LRP2: variants seen among roughly 807,000 people sequenced by gnomAD.
LRP2 encodes the protein low-density lipoprotein receptor-related protein 2.
LRP2 carries 172 observed loss-of-function variants against 531.0 expected under a neutral mutation model. That is an observed-to-expected ratio of 0.32 (90% confidence interval 0.29 to 0.37). The LOEUF (loss-of-function observed/expected upper bound fraction) is 0.37, where lower values mean the gene tolerates loss of function less well. Among genes scored for constraint, LRP2 ranks in the 10% least tolerant of loss-of-function variants. The probability of loss-of-function intolerance (pLI) is 1.00; values close to 1 mark genes in which losing one functional copy is unlikely to be tolerated. For missense variants in LRP2, 5,167 were observed against 5,868.3 expected, an observed-to-expected ratio of 0.88 and a Z score of 3.90; for synonymous variants, 1,992 against 2,027.6, an observed-to-expected ratio of 0.98 and a Z score of 0.47.
chr2:169,136,983 T>C (rs1320809092), intron 76 of LRP2, among the ~76,000 whole-genome samples: 2 of 152,072 alleles, frequency 1.3e-5, no homozygotes, highest in African/African-American at 2.4e-5. Flanking sequence ...AACCAGAGAG[T>C]GGGCCCCGTC....
At chr2:169,186,113 A>T (rs1008690729) in intron 49 of LRP2, 94 bp from the exon 50 acceptor site, 7 of 1,064,728 alleles carry the variant, frequency 6.6e-6, no homozygotes, top group Admixed American at 1.8e-5. Flanking sequence ...AACAGTGCCA[A>T]TTCTTAATGA....
intron 1 of LRP2, among the ~76,000 whole-genome samples, chr2:169,335,817 C>A (rs1227873623): frequency 5.3e-5 from 8 of 152,026 alleles, no homozygotes; most frequent in African/African-American, 1.4e-4. Context: ...AGTTCAAGAC[C>A]AGCCTGGCCA....
At chr2:169,348,271 C>A (rs1215759154) in intron 1 of LRP2, among the ~76,000 whole-genome samples, 2 of 152,178 alleles carry the variant, frequency 1.3e-5, no homozygotes, top group African/African-American at 4.8e-5. Flanking sequence ...CATTCTCCTG[C>A]CTCCAACCTA....
intron 70 of LRP2, among the ~76,000 whole-genome samples, chr2:169,144,904 C>T (rs148243455): frequency 2.2e-3 from 328 of 152,254 alleles, no homozygotes; most frequent in African/African-American, 7.5e-3. Context: ...GAACACTGGG[C>T]CAATACAGCA....
intron 68 of LRP2, among the ~76,000 whole-genome samples, chr2:169,150,556 T>G (rs1169710245): frequency 3.3e-5 from 5 of 152,208 alleles, no homozygotes; most frequent in Non-Finnish European, 7.3e-5. Flanking sequence ...ATGAGTTACT[T>G]TAAAACATCC....
chr2:169,335,512 A>G lies in LRP2; in HGVS notation c.80-14628T>C, dbSNP rs1685379283. On this transcript the variant is annotated intron_variant, in intron 1 of 78. Coordinates refer to ENST00000649046, the MANE Select transcript of LRP2 (RefSeq NM_004525.3). ...ATTAATCAACTGAAACCAAGCTAAA[A>G]AGTTTTCCATTCAAAAAGTTTGGCC... 2.0e-5 allele frequency among the ~76,000 whole-genome samples: 3 copies of G among 152,214 alleles called. No homozygotes were observed. In the South Asian group the frequency reaches 6.2e-4, roughly 31 times the overall value.
chr2:169,291,810 A>T (rs570253040), intron 7 of LRP2, among the ~76,000 whole-genome samples: 2 of 152,324 alleles, frequency 1.3e-5, no homozygotes, highest in South Asian at 2.1e-4. Flanking sequence ...AAAACAAAAA[A>T]ATAAGCTGAA....
chr2:169,229,066 G>A (rs1374848636), intron 31 of LRP2, among the ~76,000 whole-genome samples: 1 of 152,182 alleles, frequency 6.6e-6, no homozygotes, highest in Non-Finnish European at 1.5e-5. Flanking sequence ...TACAGACCAG[G>A]TAGAGGCTTT....
At chr2:169,271,981 G>T (rs982321283) in intron 15 of LRP2, among the ~76,000 whole-genome samples, 1 of 152,044 alleles carries the variant, frequency 6.6e-6, no homozygotes, top group South Asian at 2.1e-4. Context: ...TCGCAGTAAC[G>T]GAATTTAAAA....
chr2:169,236,484 G>A (rs1052131596), intron 28 of LRP2, among the ~76,000 whole-genome samples: 15 of 152,148 alleles, frequency 9.9e-5, no homozygotes, highest in Admixed American at 3.9e-4. Context: ...TCAGTGGTGT[G>A]TAATACTTTA....
In LRP2 at chr2:169,205,646, A is replaced by G. The variant is rs1235086131; in HGVS notation, c.7557-9T>C. On this transcript the variant is annotated splice_polypyrimidine_tract_variant and intron_variant, in intron 40 of 78. Transcript: ENST00000649046. ...CAGCCCAGTACAGGTACCTAGTCAT[A>G]CAAAAGGAGTCAATAATTAATTCAC... is the stretch of plus-strand genomic sequence containing the variant. 6.2e-7 allele frequency: 1 copy of G among 1,613,600 alleles called. No homozygotes were observed. Among genetic ancestry groups the G allele is most frequent in the Admixed American group, 1.7e-5 (1 of 60,004 alleles).
chr2:169,206,631 C>A lies in LRP2; in HGVS notation c.7089G>T (p.Leu2363Phe). 1.2e-6 allele frequency: 2 copies of A among 1,614,112 alleles called. No homozygotes were observed. Among genetic ancestry groups the A allele is most frequent in the Admixed American group, 1.7e-5 (1 of 60,006 alleles). ...AGGCACAGTCACATTTTGGGGTGTG[C>A]AATCCAGGCAGAGCAAAGCAGAGAT... is the stretch of plus-strand genomic sequence containing the variant. ...CSHLCFALPG[L>F]HTPKCDCAFG... Residue 2363 changes from leucine (L) to phenylalanine (F), a missense_variant, in exon 39 of 79, where the codon TTG becomes TTT. Transcript: ENST00000649046.
chr2:169,209,388 CT>C, intron 38 of LRP2, 64 bp downstream of exon 38: 1 of 1,537,640 alleles, frequency 6.5e-7, no homozygotes. Flanking sequence ...TTAGGCTAAA[CT>C]TTCTAGCATA....
intron 27 of LRP2, 144 bp downstream of exon 27, chr2:169,237,947 C>T (rs1016624751): frequency 1.6e-5 from 12 of 734,262 alleles, no homozygotes; most frequent in Non-Finnish European, 3.0e-5. Flanking sequence ...TATGAACACG[C>T]AAGTCTCTTG....
chr2:169,321,004 T>C, intron 1 of LRP2, 120 bp from the exon 2 acceptor site: 1 of 712,758 alleles, frequency 1.4e-6, no homozygotes, highest in Non-Finnish European at 2.5e-6. Flanking sequence ...GAAATGCAAA[T>C]TAGAAAATTA....
intron 1 of LRP2, among the ~76,000 whole-genome samples, chr2:169,346,181 A>G (rs929703376): frequency 2.0e-5 from 3 of 152,242 alleles, no homozygotes; most frequent in Non-Finnish European, 2.9e-5. Context: ...TGTTCAATAC[A>G]ATATGATCCT....
In LRP2 at chr2:169,142,783, A is replaced by G. The variant is rs1227075832; in HGVS notation, c.12999T>C (p.Leu4333=). The G allele has an allele frequency of 5.0e-6, 8 of 1,613,880 alleles. No homozygotes were observed. Among genetic ancestry groups the G allele is most frequent in the Non-Finnish European group, 5.9e-6 (7 of 1,179,912 alleles). Residue 4333 remains leucine (L), a synonymous_variant, in exon 71 of 79, where the codon CTT becomes CTC. Transcript: ENST00000649046. The stretch of plus-strand genomic sequence containing the variant: ...AGAGGTGGCTGCAGATCTGTTTGCA[A>G]AGGTTGGGCACTGGAAAGCGGGTGA... ...QLRYNKSVPN[L]CKQICSHLCL... is the part of the protein sequence containing the mutation.
At chr2:169,239,818 T>A (rs1234204115) in intron 25 of LRP2, 43 bp from the exon 26 acceptor site, 2 of 1,515,626 alleles carry the variant, frequency 1.3e-6, no homozygotes, top group East Asian at 4.5e-5. Flanking sequence ...AAATCAAGAA[T>A]CTTTGCTTCT....
chr2:169,176,376 G>C (rs1258058774), intron 54 of LRP2, 35 bp downstream of exon 54: 1 of 1,613,126 alleles, frequency 6.2e-7, no homozygotes, highest in Admixed American at 1.7e-5. Flanking sequence ...CCACGGGCTA[G>C]AGAGGCACTG....
Sources: gnomAD v4.1 joint callset for allele counts (sites outside exome capture counted in the v4.1 genomes callset) on GRCh38, gnomAD v4.1.1 for gene constraint, MANE v1.5 for transcripts, NCBI Gene and HGNC (gene_info 2026-07-23, HGNC 2026-07-21) for gene names.